Variants in DNAJA4 observed in about 807,000 individuals in gnomAD.
DNAJA4 encodes the protein dnaJ homolog subfamily A member 4.
A neutral mutation model predicts 39.7 loss-of-function variants in DNAJA4; 32 were observed. The ratio of observed to expected loss-of-function variants is 0.81; its 90% CI spans 0.61 to 1.08. The LOEUF (loss-of-function observed/expected upper bound fraction) is 1.08. DNAJA4 is among the 50% of genes least tolerant of loss of function. The pLI, the probability that DNAJA4 is intolerant of heterozygous loss-of-function variation, is 0.00. For missense variants in DNAJA4, 439 were observed against 505.1 expected (o/e 0.87, Z 1.25); for synonymous variants, 184 against 182.4 (o/e 1.01, Z -0.07).
At position 78,265,692 on chromosome 15, in the gene DNAJA4, G is replaced by C. The variant is rs1398506857; in HGVS notation, c.132+797G>C. On this transcript the variant is annotated intron_variant, in intron 1 of 6. Coordinates refer to ENST00000394852, the MANE Select transcript of DNAJA4 (RefSeq NM_001130182.2). Reference sequence around the variant, plus strand: ...GACCCACCTGAATAGGTGAATTGAAGGATGAGGCATTGCAAGGAAAGGCTG... The same window carrying C: ...GACCCACCTGAATAGGTGAATTGAACGATGAGGCATTGCAAGGAAAGGCTG... 3.6e-5 allele frequency: 25 copies of C among 699,924 alleles called. No individual in the cohort carries two copies. The East Asian group carries it at 5.6e-4, about 16-fold the overall frequency. The allele number at this position is 699,924 out of a possible 1,614,324, so 43.4% of individuals were successfully genotyped here. A position where few individuals can be genotyped will look rare whatever the true frequency, so the allele number is the denominator to read the frequency against.
intron 2 of DNAJA4, among the ~76,000 whole-genome samples, chr15:78,271,334 T>C (rs2049289118): frequency 6.6e-6 from 1 of 152,188 alleles, no homozygotes; most frequent in Non-Finnish European, 1.5e-5. Flanking sequence ...TGGTTGTCAG[T>C]GATCCTTTAC....
intron 5 of DNAJA4, chr15:78,277,698 T>A: frequency 3.3e-6 from 1 of 303,444 alleles, no homozygotes; most frequent in Non-Finnish European, 6.4e-6. Flanking sequence ...GGTGGACTAT[T>A]TGAGGTCCTG....
chr15:78,265,216 G>A (rs74026015), intron 1 of DNAJA4, among the ~76,000 whole-genome samples: 2,718 of 152,320 alleles, frequency 0.018, 82 homozygotes, highest in African/African-American at 0.062. Context: ...GTTCTCATAG[G>A]GTGTGTTGGT....
chr15:78,267,539 TA>T (rs1567115351), intron 1 of DNAJA4, among the ~76,000 whole-genome samples: 1 of 152,156 alleles, frequency 6.6e-6, no homozygotes, highest in Non-Finnish European at 1.5e-5. Context: ...TAGTCCCTTT[TA>T]GGGGCAATGA....
chr15:78,264,924 G>C, intron 1 of DNAJA4, 29 bp downstream of exon 1: 3 of 1,554,490 alleles, frequency 1.9e-6, no homozygotes, highest in Non-Finnish European at 2.6e-6. Flanking sequence ...CACGGGCCGG[G>C]CTCCCGAGGG....
chr15:78,264,284 A>G, upstream of DNAJA4: 2 of 1,358,270 alleles, frequency 1.5e-6, no homozygotes, highest in African/African-American at 3.1e-5. Flanking sequence ...GGCGCCCTCC[A>G]GGCCCAAGCC....
chr15:78,275,467 T>C (rs1260560443), intron 4 of DNAJA4, 31 bp from the exon 5 acceptor site: 4 of 1,552,528 alleles, frequency 2.6e-6, no homozygotes, highest in Non-Finnish European at 3.6e-6. Context: ...GTATGAGAAA[T>C]GGCTAATCAG....
chr15:78,270,346 A>G, intron 1 of DNAJA4, 151 bp from the exon 2 acceptor site: 1 of 746,378 alleles, frequency 1.3e-6, no homozygotes, highest in South Asian at 2.0e-5. Context: ...GTAGACAGGC[A>G]AGTCAGATTC....
chr15:78,265,625 C>T, intron 1 of DNAJA4: 1 of 702,332 alleles, frequency 1.4e-6, no homozygotes. Context: ...CTTTTCCATC[C>T]TGTTTACAGA....
upstream of DNAJA4, chr15:78,264,292 G>A: frequency 7.3e-7 from 1 of 1,373,514 alleles, no homozygotes; most frequent in East Asian, 3.1e-5. Flanking sequence ...CCAGGCCCAA[G>A]CCGCCTTCTC....
chr15:78,279,810 TCTTGACACA>T lies in DNAJA4; in HGVS notation c.878-232_878-224del. 3.4e-6 allele frequency: 2 copies of T among 582,618 alleles called. No individual in the cohort carries two copies. Among genetic ancestry groups the T allele is most frequent in the Non-Finnish European group, 6.1e-6 (2 of 327,424 alleles). 36.1% of individuals were successfully genotyped at this position (582,618 alleles called of 1,614,324 possible). On this transcript the variant is annotated intron_variant, in intron 5 of 6. Coordinates refer to ENST00000394852, the MANE Select transcript of DNAJA4 (RefSeq NM_001130182.2). This position sits in a 1 kb window ranked among gnomAD's most constrained non-coding sequence, Gnocchi z 4.5. ...TGATGGCAGCTGCACCATGCTGCCC[TCTTGACACA>T]CTGCTGGAGCCCAGAGCACAGGCCA...
In DNAJA4 at chr15:78,264,605, G is replaced by A. The variant is rs1490347629; in HGVS notation, c.-159G>A. 3 of 1,133,630 alleles carry A rather than the reference G, an allele frequency of 2.6e-6. No homozygotes were observed. The South Asian group carries it at 1.3e-4, about 49-fold the overall frequency. The allele number at this position is 1,133,630 out of a possible 1,614,324, so 70.2% of individuals were successfully genotyped here. A position where few individuals can be genotyped will look rare whatever the true frequency, so the allele number is the denominator to read the frequency against. The stretch of plus-strand genomic sequence containing the variant: ...GTGGAAGTCGGTCCGGCGCGGGGCG[G>A]GGGGCGGGCGGGAGCTACAAGCGGC... On this transcript the variant is annotated 5_prime_UTR_variant, in exon 1 of 7. Transcript: ENST00000394852.
In DNAJA4 at chr15:78,280,561, T is replaced by G; in HGVS notation, c.*101T>G. On this transcript the variant is annotated 3_prime_UTR_variant, in exon 7 of 7. Coordinates refer to ENST00000394852, the MANE Select transcript of DNAJA4 (RefSeq NM_001130182.2). ...CTTTAATGGCCTTGTGTTTGGGATG[T>G]CCTGTGTATGTGTTCAGCATTCTTA... 1 of 1,026,510 alleles carries G rather than the reference T, an allele frequency of 9.7e-7. No individual in the cohort carries two copies. Among genetic ancestry groups the G allele is most frequent in the Non-Finnish European group, 1.4e-6 (1 of 708,894 alleles). 63.6% of individuals were successfully genotyped at this position (1,026,510 alleles called of 1,614,324 possible).
intron 5 of DNAJA4, chr15:78,277,766 G>A (rs973869011): frequency 2.2e-5 from 7 of 325,276 alleles, no homozygotes; most frequent in Non-Finnish European, 3.0e-5. Context: ...CTAGGGAGCC[G>A]GGAGCCAAAT....
At position 78,264,606 on chromosome 15, in the gene DNAJA4, G is replaced by C. The variant is rs538100982; in HGVS notation, c.-158G>C. On this transcript the variant is annotated 5_prime_UTR_variant, in exon 1 of 7. Coordinates refer to ENST00000394852, the MANE Select transcript of DNAJA4 (RefSeq NM_001130182.2). ...TGGAAGTCGGTCCGGCGCGGGGCGG[G>C]GGGCGGGCGGGAGCTACAAGCGGCG... 8.2e-3 allele frequency: 9,356 copies of C among 1,135,866 alleles called. 86 individuals carry two copies. Among genetic ancestry groups the C allele is most frequent in the Middle Eastern group, 0.028 (78 of 2,746 alleles). 70.4% of individuals were successfully genotyped at this position (1,135,866 alleles called of 1,614,324 possible).
intron 1 of DNAJA4, among the ~76,000 whole-genome samples, chr15:78,268,741 C>T (rs935832140): frequency 3.9e-5 from 6 of 152,198 alleles, no homozygotes; most frequent in Non-Finnish European, 7.3e-5. Context: ...TACCAAGTGC[C>T]TTCTACATGC....
upstream of DNAJA4, chr15:78,264,421 C>A (rs1200693484): frequency 5.9e-6 from 8 of 1,359,714 alleles, no homozygotes; most frequent in Non-Finnish European, 7.5e-6. Context: ...GCCGGACGGG[C>A]GTCGGGGGTC....
intron 2 of DNAJA4, among the ~76,000 whole-genome samples, chr15:78,272,078 A>G (rs1016083884): frequency 2.6e-5 from 4 of 152,190 alleles, no homozygotes; most frequent in East Asian, 1.9e-4. Context: ...TGGACATGAT[A>G]AAACCTTGGG....
In DNAJA4 at chr15:78,279,827, A is replaced by G. The variant is rs1261730966; in HGVS notation, c.878-218A>G. On this transcript the variant is annotated intron_variant, in intron 5 of 6. Transcript: ENST00000394852. The surrounding 1 kb of genome is among the most constrained non-coding windows in gnomAD (Gnocchi z 4.5). The stretch of plus-strand genomic sequence containing the variant: ...TGCTGCCCTCTTGACACACTGCTGG[A>G]GCCCAGAGCACAGGCCAGAGTCTCA... The G allele has an allele frequency of 3.4e-6, 2 of 591,924 alleles. No homozygotes were observed. Among genetic ancestry groups the G allele is most frequent in the African/African-American group, 1.9e-5 (1 of 53,718 alleles). The allele number at this position is 591,924 out of a possible 1,614,324, so 36.7% of individuals were successfully genotyped here. A position where few individuals can be genotyped will look rare whatever the true frequency, so the allele number is the denominator to read the frequency against.
Sources: gnomAD v4.1 joint callset for allele counts (sites outside exome capture counted in the v4.1 genomes callset) on GRCh38, gnomAD v4.1.1 for gene constraint, Gnocchi (gnomAD v3.1) non-coding constraint, MANE v1.5 for transcripts, NCBI Gene and HGNC (gene_info 2026-07-23, HGNC 2026-07-21) for gene names.